AK7: variants seen among roughly 807,000 people sequenced by gnomAD.
The protein encoded by AK7 is ATP-AMP transphosphorylase 7.
AK7 carries 78 observed loss-of-function variants against 96.6 expected under a neutral mutation model. The observed-to-expected ratio is 0.81, with a 90% CI of 0.67 to 0.97. The LOEUF is 0.97. AK7 is among the 50% of genes least tolerant of loss of function. AK7 has a pLI of 0.00. For missense variants in AK7, 855 were observed against 887.9 expected, an observed-to-expected ratio of 0.96 and a Z score of 0.47; for synonymous variants, 302 against 317.2, an observed-to-expected ratio of 0.95 and a Z score of 0.51.
At chr14:96,453,051 G>A (rs1893696784) in intron 10 of AK7, among the ~76,000 whole-genome samples, 2 of 152,112 alleles carry the variant, frequency 1.3e-5, no homozygotes, top group African/African-American at 4.8e-5. Flanking sequence ...ACTGTTGGAG[G>A]GAATGCTCCA....
intron 2 of AK7, 26 bp from the exon 3 acceptor site, chr14:96,404,731 A>C: frequency 5.9e-6 from 9 of 1,512,808 alleles, no homozygotes; most frequent in Non-Finnish European, 8.3e-6. Context: ...GTCTTGCTGC[A>C]AATGGCTGTC....
chr14:96,481,831 A>G (rs183135244), intron 15 of AK7, among the ~76,000 whole-genome samples: 1 of 151,766 alleles, frequency 6.6e-6, no homozygotes, highest in East Asian at 1.9e-4. Flanking sequence ...AAGCCTCCCA[A>G]GTAGCTGGAA....
At chr14:96,468,296 C>CTTTTTTTTT (rs67009492) in intron 12 of AK7, among the ~76,000 whole-genome samples, 1 of 98,552 alleles carries the variant, frequency 1.0e-5, no homozygotes, top group Non-Finnish European at 2.0e-5. Context: ...GCACTCTTTC[C>CTTTTTTTTT]TTTTTTTTTT....
rs1183041164 is a variant in AK7 at position 96,404,808 on chromosome 14, A to G, written c.346A>G (p.Ile116Val). 6 of 1,610,868 alleles carry G rather than the reference A, an allele frequency of 3.7e-6. No individual in the cohort carries two copies. Among genetic ancestry groups the G allele is most frequent in the African/African-American group, 1.3e-5 (1 of 74,960 alleles). ...LMRLLECDVI[I>V]YNITESSQQM... ...GCGCCTGCTGGAGTGTGATGTTATT[A>G]TTTATAACATCACTGAGAGCTCACA... The change falls in exon 3 of 18, where the codon ATT (isoleucine) becomes GTT (valine). Residue 116 changes from isoleucine (I) to valine (V), a missense_variant. Transcript: ENST00000267584.
At chr14:96,426,405 T>TC (rs1892031763) in intron 5 of AK7, among the ~76,000 whole-genome samples, 1 of 152,180 alleles carries the variant, frequency 6.6e-6, no homozygotes, top group Non-Finnish European at 1.5e-5. Context: ...ATTATTTTTT[T>TC]TGGTTCATTG....
At chr14:96,432,943 G>T (rs1051906104) in intron 5 of AK7, among the ~76,000 whole-genome samples, 1 of 152,164 alleles carries the variant, frequency 6.6e-6, no homozygotes, top group Admixed American at 6.5e-5. Context: ...GCAGTGAGCT[G>T]AGATCACGCC....
At chr14:96,392,396 G>T in intron 1 of AK7, 137 bp downstream of exon 1, 1 of 690,562 alleles carries the variant, frequency 1.4e-6, no homozygotes. Flanking sequence ...CCGCGTCCTG[G>T]GCACCACCAA....
chr14:96,486,393 C>T (rs1453541735), intron 16 of AK7, among the ~76,000 whole-genome samples: 1 of 152,184 alleles, frequency 6.6e-6, no homozygotes, highest in African/African-American at 2.4e-5. Context: ...GTACTGTTTA[C>T]AATTTAGGTA....
intron 4 of AK7, among the ~76,000 whole-genome samples, chr14:96,415,919 G>C (rs376059932): frequency 1.5e-4 from 23 of 151,906 alleles, no homozygotes; most frequent in African/African-American, 5.1e-4. Context: ...GTCTAGCTAT[G>C]TACTTGTTTC....
At chr14:96,464,009 T>A (rs1894417209) in intron 12 of AK7, among the ~76,000 whole-genome samples, 2 of 152,090 alleles carry the variant, frequency 1.3e-5, no homozygotes, top group African/African-American at 4.8e-5. Context: ...TCATCCCAGA[T>A]CCCAGGAGCA....
At chr14:96,433,249 A>T (rs890142963) in intron 5 of AK7, among the ~76,000 whole-genome samples, 9 of 152,174 alleles carry the variant, frequency 5.9e-5, no homozygotes, top group Admixed American at 3.3e-4. Context: ...CTCCTGGATA[A>T]TATCCTGAAG....
intron 17 of AK7, among the ~76,000 whole-genome samples, chr14:96,487,801 C>T (rs1027842284): frequency 3.3e-5 from 5 of 152,122 alleles, no homozygotes; most frequent in Admixed American, 3.3e-4. Context: ...GAAATAGCTT[C>T]TAATATATTC....
chr14:96,398,622 C>G (rs1890227023), intron 2 of AK7: 1 of 256,352 alleles, frequency 3.9e-6, no homozygotes, highest in Non-Finnish European at 7.6e-6. Flanking sequence ...TGGCTTACGC[C>G]TGTAATCCCA....
chr14:96,472,653 A>C (rs756142552), intron 13 of AK7, 34 bp from the exon 14 acceptor site: 1 of 1,566,924 alleles, frequency 6.4e-7, no homozygotes, highest in Non-Finnish European at 8.8e-7. Flanking sequence ...ATAATATATT[A>C]ATAAACACAA....
At position 96,424,008 on chromosome 14, in the gene AK7, G is replaced by C. The variant is rs1050256988; in HGVS notation, c.609+3076G>C. On this transcript the variant is annotated intron_variant, in intron 5 of 17. Transcript: ENST00000267584. ...GATCCTTCCTGCTTGGAGCATCCGG[G>C]TCTGTCAAGACCCAGGTGTAGAGTT... The C allele has an allele frequency of 8.7e-6, 7 of 800,480 alleles. No individual in the cohort carries two copies. In the African/African-American group the frequency reaches 1.2e-4, roughly 14 times the overall value. 49.6% of individuals were successfully genotyped at this position (800,480 alleles called of 1,614,324 possible).
At chr14:96,414,813 C>T (rs1341001459) in intron 4 of AK7, among the ~76,000 whole-genome samples, 2 of 137,226 alleles carry the variant, frequency 1.5e-5, no homozygotes, top group Admixed American at 1.7e-4. Context: ...AGTGGTGCAA[C>T]CTGGGCTCAG....
chr14:96,428,733 A>C (rs1230344921), intron 5 of AK7, among the ~76,000 whole-genome samples: 1 of 152,144 alleles, frequency 6.6e-6, no homozygotes, highest in African/African-American at 2.4e-5. Context: ...GCATTTTTTC[A>C]TGTGTCCATT....
chr14:96,427,335 C>G (rs8006946), intron 5 of AK7, among the ~76,000 whole-genome samples: 10,686 of 152,218 alleles, frequency 0.07, 1,305 homozygotes, highest in African/African-American at 0.24. Context: ...CCTCAGGAAA[C>G]TTACAACCAT....
chr14:96,437,555 G>A (rs1057371701), intron 5 of AK7, among the ~76,000 whole-genome samples: 9 of 151,938 alleles, frequency 5.9e-5, no homozygotes, highest in East Asian at 1.9e-4. Flanking sequence ...CCTCAGTGCC[G>A]AGCATAGAGC....
Sources: allele counts gnomAD v4.1 joint callset (sites outside exome capture counted in the v4.1 genomes callset), GRCh38; gene constraint gnomAD v4.1.1; transcripts MANE v1.5; gene names NCBI Gene and HGNC (gene_info 2026-07-23, HGNC 2026-07-21).